Variants in PRICKLE1 observed in about 807,000 individuals in gnomAD.
PRICKLE1 encodes prickle-like protein 1.
PRICKLE1 carries 14 observed loss-of-function variants against 70.2 expected under a neutral mutation model. The observed-to-expected ratio is 0.20, with a 90% CI of 0.13 to 0.31. The LOEUF (loss-of-function observed/expected upper bound fraction) is 0.31, where lower values mean the gene tolerates loss of function less well. PRICKLE1 is among the 10% of genes least tolerant of loss of function. The pLI, the probability that PRICKLE1 is intolerant of heterozygous loss-of-function variation, is 1.00. For synonymous variants in PRICKLE1, 357 were observed against 379.9 expected, an observed-to-expected ratio of 0.94 and a Z score of 0.70; for missense variants, 821 against 1,026.2, an observed-to-expected ratio of 0.80 and a Z score of 2.73.
intron 1 of PRICKLE1, among the ~76,000 whole-genome samples, chr12:42,552,788 A>C (rs967389221): frequency 6.6e-6 from 1 of 152,228 alleles, no homozygotes; most frequent in African/African-American, 2.4e-5. Flanking sequence ...GGTCTCTTAG[A>C]ATGGCCGTCC....
rs567554077 is a variant in PRICKLE1, at chr12:42,501,971, T to C, written c.-48-29407A>G. The stretch of plus-strand genomic sequence containing the variant: ...TTGCCATCAACACTGCTAGGAGCAA[T>C]TCGAAGAAGGTGGGCTGGGACTTTT... On this transcript the variant is annotated intron_variant, in intron 1 of 7. Transcript: ENST00000345127. Among the ~76,000 whole-genome samples, 4 of 152,242 alleles carry C rather than the reference T, an allele frequency of 2.6e-5. No individual in the cohort carries two copies. In the East Asian group the frequency reaches 7.7e-4, roughly 29 times the overall value.
intron 1 of PRICKLE1, among the ~76,000 whole-genome samples, chr12:42,477,458 G>A (rs943234664): frequency 7.4e-5 from 7 of 94,954 alleles, no homozygotes; most frequent in East Asian, 3.0e-4. Context: ...ATGTATATAC[G>A]TATATATGTG....
chr12:42,557,388 G>A (rs1322690099), intron 1 of PRICKLE1, among the ~76,000 whole-genome samples: 1 of 152,142 alleles, frequency 6.6e-6, no homozygotes, highest in Non-Finnish European at 1.5e-5. Context: ...TGGTTACATC[G>A]TTTGGGAAAA....
intron 1 of PRICKLE1, among the ~76,000 whole-genome samples, chr12:42,511,583 T>C (rs1939513472): frequency 6.6e-6 from 1 of 152,196 alleles, no homozygotes. Flanking sequence ...AATGAAAACC[T>C]ACTTTCCCAA....
In PRICKLE1 at chr12:42,459,450, G is replaced by C; in HGVS notation, c.*359C>G. 1 of 684,886 alleles carries C rather than the reference G, an allele frequency of 1.5e-6. No homozygotes were observed. The highest frequency in any genetic ancestry group is 2.7e-6 in the Non-Finnish European group (1 of 376,946). The allele number at this position is 684,886 out of a possible 1,614,324, so 42.4% of individuals were successfully genotyped here. A position where few individuals can be genotyped will look rare whatever the true frequency, so the allele number is the denominator to read the frequency against. On this transcript the variant is annotated 3_prime_UTR_variant, in exon 8 of 8. Coordinates refer to ENST00000345127, the MANE Select transcript of PRICKLE1 (RefSeq NM_153026.3). Reference sequence around the variant, plus strand: ...ACTTACATAAATGACAAACACTAGTGCTTTACAAAGGTGGCTGGAGTTCTC... The same window carrying C: ...ACTTACATAAATGACAAACACTAGTCCTTTACAAAGGTGGCTGGAGTTCTC...
intron 1 of PRICKLE1, among the ~76,000 whole-genome samples, chr12:42,482,556 G>A (rs1938832464): frequency 6.6e-6 from 1 of 152,182 alleles, no homozygotes. Context: ...GTTTCGCCCC[G>A]TCACCTGTTG....
intron 1 of PRICKLE1, among the ~76,000 whole-genome samples, chr12:42,477,482 G>GTGTATATATA (rs1350601331): frequency 1.7e-5 from 2 of 116,382 alleles, no homozygotes; most frequent in African/African-American, 6.3e-5. Context: ...GTGTGTGTGT[G>GTGTATATATA]TATATATATA....
At chr12:42,550,891 G>A (rs1261786306) in intron 1 of PRICKLE1, among the ~76,000 whole-genome samples, 2 of 152,208 alleles carry the variant, frequency 1.3e-5, no homozygotes, top group East Asian at 3.9e-4. Context: ...CCTGCCTGAA[G>A]TACTAGGGCT....
chr12:42,479,110 T>C (rs1462885689), intron 1 of PRICKLE1, among the ~76,000 whole-genome samples: 1 of 152,210 alleles, frequency 6.6e-6, no homozygotes, highest in Non-Finnish European at 1.5e-5. Context: ...CAGAAAAGAA[T>C]TTCACGACCA....
intron 1 of PRICKLE1, among the ~76,000 whole-genome samples, chr12:42,506,423 A>G (rs760571902): frequency 3.3e-5 from 5 of 150,680 alleles, no homozygotes; most frequent in Non-Finnish European, 5.9e-5. Context: ...CTCCCAGCTA[A>G]TTTTTGCATT....
chr12:42,497,409 C>T (rs529934698), intron 1 of PRICKLE1, among the ~76,000 whole-genome samples: 2 of 151,844 alleles, frequency 1.3e-5, no homozygotes, highest in Non-Finnish European at 2.9e-5. Flanking sequence ...ATTAGCAGGG[C>T]GTGGTGGTGG....
chr12:42,467,568 C>T (rs7134130), intron 5 of PRICKLE1, among the ~76,000 whole-genome samples: 66,345 of 151,434 alleles, frequency 0.44, 14,527 homozygotes, highest in Admixed American at 0.46. Context: ...TGGTGAAGCC[C>T]GCCTCTACTA....
chr12:42,527,787 T>A (rs985147313), intron 1 of PRICKLE1, among the ~76,000 whole-genome samples: 1 of 151,632 alleles, frequency 6.6e-6, no homozygotes. Flanking sequence ...AGAAAAAAAA[T>A]TCTTTAAATA....
chr12:42,458,150 A>C lies in PRICKLE1; in HGVS notation c.*1659T>G, dbSNP rs967364064. On this transcript the variant is annotated 3_prime_UTR_variant, in exon 8 of 8. Coordinates refer to ENST00000345127, the MANE Select transcript of PRICKLE1 (RefSeq NM_153026.3). Reference sequence around the variant, plus strand: ...TTGTGTCTGTCCTCCCTAAGGCCAAATTTTCCCCACTCCAGTCTATATGGA... The same window carrying C: ...TTGTGTCTGTCCTCCCTAAGGCCAACTTTTCCCCACTCCAGTCTATATGGA... 5 of 152,042 alleles carry C rather than the reference A, an allele frequency of 3.3e-5. No homozygotes were observed. Among genetic ancestry groups the C allele is most frequent in the Non-Finnish European group, 5.9e-5 (4 of 68,024 alleles). The allele number at this position is 152,042 out of a possible 1,614,324, so 9.4% of individuals were successfully genotyped here. A position where few individuals can be genotyped will look rare whatever the true frequency, so the allele number is the denominator to read the frequency against.
intron 1 of PRICKLE1, among the ~76,000 whole-genome samples, chr12:42,493,557 G>C (rs7301146): frequency 0.098 from 14,895 of 151,934 alleles, 1,693 homozygotes; most frequent in African/African-American, 0.28. Flanking sequence ...ATTGTCCTTC[G>C]TCTTCTATTC....
chr12:42,563,242 G>A (rs953942005), intron 1 of PRICKLE1, among the ~76,000 whole-genome samples: 9 of 151,844 alleles, frequency 5.9e-5, no homozygotes, highest in Non-Finnish European at 1.3e-4. Flanking sequence ...AGAGCTAACT[G>A]ACTGCCACAA....
chr12:42,501,600 C>A (rs1429253056), intron 1 of PRICKLE1, among the ~76,000 whole-genome samples: 1 of 151,060 alleles, frequency 6.6e-6, no homozygotes, highest in Non-Finnish European at 1.5e-5. Context: ...TTTCCAGTAA[C>A]CTTTAAAATG....
intron 1 of PRICKLE1, chr12:42,483,823 C>T (rs1263976369): frequency 1.3e-5 from 2 of 151,396 alleles, no homozygotes; most frequent in African/African-American, 4.9e-5. Context: ...CAGAGACCCT[C>T]GGTCCCTGCC....
chr12:42,525,890 A>C (rs1939791279), intron 1 of PRICKLE1, among the ~76,000 whole-genome samples: 3 of 152,172 alleles, frequency 2.0e-5, no homozygotes, highest in Non-Finnish European at 2.9e-5. Context: ...CTAAGTGTTG[A>C]AATAGATGTC....
Sources: gnomAD v4.1 joint callset for allele counts (sites outside exome capture counted in the v4.1 genomes callset) on GRCh38, gnomAD v4.1.1 for gene constraint, MANE v1.5 for transcripts, NCBI Gene and HGNC (gene_info 2026-07-23, HGNC 2026-07-21) for gene names.